CTSK: variants seen among roughly 807,000 people sequenced by gnomAD.
CTSK encodes the protein cathepsin O.
In CTSK, 26 loss-of-function variants were observed where a neutral mutation model predicts 40.5. The ratio of observed to expected loss-of-function variants is 0.64; its 90% CI spans 0.47 to 0.89. The LOEUF (loss-of-function observed/expected upper bound fraction) is 0.89. Among genes scored for constraint, CTSK ranks in the 40% least tolerant of loss-of-function variants. The pLI, the probability that CTSK is intolerant of heterozygous loss-of-function variation, is 0.00. For synonymous variants in CTSK, 132 were observed against 143.2 expected, an observed-to-expected ratio of 0.92 and a Z score of 0.56; for missense variants, 292 against 400.1, an observed-to-expected ratio of 0.73 and a Z score of 2.30.
In CTSK at chr1:150,802,988, A is replaced by G. The variant is rs190123371; in HGVS notation, c.618+1033T>C. ...CAAATGGCCAGATAAACATACTGAT[A>G]AAAAGGTGATTGAAGGGGATTTCTT... On this transcript the variant is annotated intron_variant, in intron 5 of 7. Coordinates refer to ENST00000271651, the MANE Select transcript of CTSK (RefSeq NM_000396.4). Among the ~76,000 whole-genome samples the G allele has an allele frequency of 2.0e-5, 3 of 152,334 alleles. No homozygotes were observed. The East Asian group carries it at 5.8e-4, about 29-fold the overall frequency.
chr1:150,797,013 T>C, intron 7 of CTSK, 115 bp from the exon 8 acceptor site: 1 of 800,352 alleles, frequency 1.2e-6, no homozygotes, highest in Non-Finnish European at 2.2e-6. Context: ...TGATGTTTTT[T>C]AACTTTAAAG....
intron 5 of CTSK, among the ~76,000 whole-genome samples, chr1:150,803,112 A>G (rs1055893850): frequency 6.6e-6 from 1 of 152,188 alleles, no homozygotes; most frequent in African/African-American, 2.4e-5. Context: ...CAGACAATTC[A>G]GTTCCAAGGC....
intron 1 of CTSK, chr1:150,807,296 G>T (rs918390500): frequency 6.4e-6 from 3 of 471,494 alleles, no homozygotes; most frequent in Non-Finnish European, 1.3e-5. Context: ...TCATTTCTTC[G>T]AGGCGTTCTT....
chr1:150,806,061 G>A (rs763870328), intron 3 of CTSK, 41 bp downstream of exon 3: 3 of 1,614,050 alleles, frequency 1.9e-6, no homozygotes, highest in East Asian at 2.2e-5. Flanking sequence ...GGGAACTAAA[G>A]CAAATGGTGC....
intron 4 of CTSK, among the ~76,000 whole-genome samples, chr1:150,805,231 G>T (rs12092817): frequency 9.6e-5 from 14 of 145,966 alleles, no homozygotes; most frequent in Admixed American, 3.4e-4. Flanking sequence ...AAAAATTTGG[G>T]GGGGGGGAAA....
intron 5 of CTSK, 50 bp downstream of exon 5, chr1:150,803,971 T>C: frequency 7.0e-7 from 1 of 1,432,162 alleles, no homozygotes; most frequent in Non-Finnish European, 9.9e-7. Context: ...AACATCATGC[T>C]GGGGAAGGAG....
rs587650413 is a variant in CTSK, at chr1:150,806,946, G to A, written c.-1-140C>T. Reference sequence around the variant, plus strand: ...TCAGGAGGGGCCTGTGTTTAGATAGGATGCTGGTACATCTGGTTCCAAGGA... The same window carrying A: ...TCAGGAGGGGCCTGTGTTTAGATAGAATGCTGGTACATCTGGTTCCAAGGA... On this transcript the variant is annotated intron_variant, in intron 1 of 7. Coordinates refer to ENST00000271651, the MANE Select transcript of CTSK (RefSeq NM_000396.4). 8 of 1,003,426 alleles carry A rather than the reference G, an allele frequency of 8.0e-6. No individual in the cohort carries two copies. The African/African-American group carries it at 1.3e-4, about 16-fold the overall frequency. The allele number at this position is 1,003,426 out of a possible 1,614,324, so 62.2% of individuals were successfully genotyped here.
At chr1:150,799,877 G>A (rs1653952527) in intron 5 of CTSK, among the ~76,000 whole-genome samples, 168 bp from the exon 6 acceptor site, 1 of 152,092 alleles carries the variant, frequency 6.6e-6, no homozygotes, top group Non-Finnish European at 1.5e-5. Flanking sequence ...TATGAAAAGA[G>A]GATTCCCGCC....
At position 150,806,012 on chromosome 1, in the gene CTSK, C is replaced by G; in HGVS notation, c.248G>C (p.Ser83Thr). Reference protein sequence around the residue: ...LAMNHLGDMTSEEVVQKMTGL... With the variant: ...LAMNHLGDMTTEEVVQKMTGL... The stretch of plus-strand genomic sequence containing the variant: ...AGTCATCTTCTGAACCACCTCTTCA[C>G]TGGTCTAAGACAAAGAAGAAAGAGG... The change falls in exon 4 of 8, where the codon AGT becomes ACT. Residue 83 changes from serine (S) to threonine (T), a missense_variant. Coordinates refer to ENST00000271651, the MANE Select transcript of CTSK (RefSeq NM_000396.4). The G allele has an allele frequency of 6.2e-7, 1 of 1,614,174 alleles. No homozygotes were observed. Among genetic ancestry groups the G allele is most frequent in the Non-Finnish European group, 8.5e-7 (1 of 1,180,038 alleles).
chr1:150,807,076 TCTCTCACACA>T (rs1281922257), intron 1 of CTSK, among the ~76,000 whole-genome samples: 118 of 36,472 alleles, frequency 3.2e-3, no homozygotes, highest in East Asian at 0.022. Context: ...TGTCTCTCTC[TCTCTCACACA>T]CACACACACA....
intron 5 of CTSK, chr1:150,800,727 C>T: frequency 6.0e-6 from 1 of 165,322 alleles, no homozygotes; most frequent in Non-Finnish European, 1.3e-5. Context: ...TGTTTGTGCC[C>T]AGGAGTTTGA....
chr1:150,803,740 A>G (rs1449383250), intron 5 of CTSK, among the ~76,000 whole-genome samples: 1 of 152,216 alleles, frequency 6.6e-6, no homozygotes, highest in Non-Finnish European at 1.5e-5. Flanking sequence ...TGAGGAATTG[A>G]GCAGAGGGTT....
intron 4 of CTSK, among the ~76,000 whole-genome samples, chr1:150,804,477 G>A (rs1157602515): frequency 6.6e-6 from 1 of 152,182 alleles, no homozygotes; most frequent in Admixed American, 6.5e-5. Context: ...GGAGGCATTT[G>A]TCCTGGGTGC....
chr1:150,805,635 T>C (rs1457819203), intron 4 of CTSK, among the ~76,000 whole-genome samples: 1 of 72,492 alleles, frequency 1.4e-5, no homozygotes, highest in South Asian at 7.6e-4. Flanking sequence ...TGAGACTCTA[T>C]CTCAAAAAAA....
At chr1:150,797,120 A>T (rs1475597665) in intron 7 of CTSK, among the ~76,000 whole-genome samples, 1 of 152,144 alleles carries the variant, frequency 6.6e-6, no homozygotes, top group African/African-American at 2.4e-5. Flanking sequence ...GGCTTGATGT[A>T]AGAGGTGGCA....
chr1:150,804,412 T>G (rs752887160), intron 4 of CTSK, among the ~76,000 whole-genome samples, 173 bp from the exon 5 acceptor site: 2 of 152,184 alleles, frequency 1.3e-5, no homozygotes, highest in Non-Finnish European at 2.9e-5. Flanking sequence ...TGCTATTGAT[T>G]TTTGCTACCA....
At position 150,796,877 on chromosome 1, in the gene CTSK, G is replaced by A. The variant is rs1166702689; in HGVS notation, c.912C>T (p.Asn304=). 6.2e-7 allele frequency: 1 copy of A among 1,613,846 alleles called. No individual in the cohort carries two copies. The highest frequency in any genetic ancestry group is 8.5e-7 in the Non-Finnish European group (1 of 1,179,740). Reference sequence around the variant, plus strand: ...TTCGAGCCATGAGGATATATCCTTTGTTTCCCCAGTTTTCTCCCCAGCTGT... The same window carrying A: ...TTCGAGCCATGAGGATATATCCTTTATTTCCCCAGTTTTCTCCCCAGCTGT... ...IKNSWGENWG[N]KGYILMARNK... Residue 304 remains asparagine (N), a synonymous_variant, in exon 8 of 8, where the codon AAC becomes AAT. Coordinates refer to ENST00000271651, the MANE Select transcript of CTSK (RefSeq NM_000396.4).
chr1:150,799,582 A>T lies in CTSK; in HGVS notation c.746T>A (p.Ile249Asn), dbSNP rs199919553. The change falls in exon 6 of 8, where the codon ATT becomes AAT. Residue 249 changes from isoleucine to asparagine, a missense_variant. Physicochemically the swap from Ile to Asn is moderately radical, Grantham distance 149. Transcript: ENST00000271651. ...CTGGAAGGAGGTCAGGCTTGCATCAATGGCCACAGAGACAGGTCCCACTCG... is the reference window on the plus strand; with the variant it reads ...CTGGAAGGAGGTCAGGCTTGCATCATTGGCCACAGAGACAGGTCCCACTCG... ...VARVGPVSVAIDASLTSFQFY... is the reference protein window; with the variant it reads ...VARVGPVSVANDASLTSFQFY... 6.2e-7 allele frequency: 1 copy of T among 1,614,072 alleles called. No individual in the cohort carries two copies. The highest frequency in any genetic ancestry group is 8.5e-7 in the Non-Finnish European group (1 of 1,180,012).
chr1:150,798,730 ATGAG>A (rs1319182472), intron 7 of CTSK, among the ~76,000 whole-genome samples: 1 of 152,142 alleles, frequency 6.6e-6, no homozygotes, highest in African/African-American at 2.4e-5. Context: ...CGCCTTGGTG[ATGAG>A]TGAGTTCTCA....
Sources: allele counts gnomAD v4.1 joint callset (sites outside exome capture counted in the v4.1 genomes callset), GRCh38; gene constraint gnomAD v4.1.1; transcripts MANE v1.5; gene names NCBI Gene and HGNC (gene_info 2026-07-23, HGNC 2026-07-21).